Variants in PTTG1IP2 observed in about 807,000 individuals in gnomAD.
The protein encoded by PTTG1IP2 is PTTG1IP family member 2.
intron 6 of PTTG1IP2, among the ~76,000 whole-genome samples, chr7:90,497,614 G>C (rs1435836901): frequency 4.7e-5 from 7 of 147,810 alleles, no homozygotes; most frequent in Non-Finnish European, 7.4e-5. Flanking sequence ...CTACTAGGAA[G>C]GGTGGGGCAG....
intron 6 of PTTG1IP2, among the ~76,000 whole-genome samples, chr7:90,498,329 C>T (rs190992877): frequency 1.0e-3 from 152 of 152,284 alleles, no homozygotes; most frequent in Middle Eastern, 6.8e-3. Flanking sequence ...TGTCAATAAT[C>T]ACCTTGAATG....
At chr7:90,483,579 A>G (rs1204570270) in intron 2 of PTTG1IP2, among the ~76,000 whole-genome samples, 1 of 152,186 alleles carries the variant, frequency 6.6e-6, no homozygotes. Context: ...CTAGAAGCTG[A>G]AGTACTTATT....
intron 1 of PTTG1IP2, among the ~76,000 whole-genome samples, chr7:90,470,681 C>T (rs562794862): frequency 2.4e-4 from 36 of 152,218 alleles, no homozygotes; most frequent in African/African-American, 7.7e-4. Flanking sequence ...GAATCTCCTT[C>T]GAGGGGGTAG....
At chr7:90,492,999 C>A (rs552271268) in intron 5 of PTTG1IP2, among the ~76,000 whole-genome samples, 1 of 152,314 alleles carries the variant, frequency 6.6e-6, no homozygotes, top group South Asian at 2.1e-4. Context: ...CTACCCAGGT[C>A]TGGATCCTGA....
intron 6 of PTTG1IP2, among the ~76,000 whole-genome samples, chr7:90,511,885 C>A (rs753842599): frequency 1.3e-5 from 2 of 152,206 alleles, no homozygotes; most frequent in Non-Finnish European, 2.9e-5. Flanking sequence ...ATACAATGAG[C>A]TAACATATTG....
At chr7:90,503,601 AT>A (rs1212312284) in intron 6 of PTTG1IP2, among the ~76,000 whole-genome samples, 2 of 152,186 alleles carry the variant, frequency 1.3e-5, no homozygotes, top group Non-Finnish European at 2.9e-5. Flanking sequence ...TCATTTCAAT[AT>A]TGCTGTGTCT....
At chr7:90,497,715 T>TAAAA (rs1261744146) in intron 6 of PTTG1IP2, among the ~76,000 whole-genome samples, 4 of 56,302 alleles carry the variant, frequency 7.1e-5, no homozygotes, top group Non-Finnish European at 9.6e-5. Flanking sequence ...AGACCCTGTA[T>TAAAA]AAAAAAAAAA....
intron 6 of PTTG1IP2, among the ~76,000 whole-genome samples, chr7:90,504,099 G>A (rs537559542): frequency 4.6e-5 from 7 of 152,106 alleles, no homozygotes; most frequent in African/African-American, 1.2e-4. Context: ...GGTGGATCAC[G>A]AGGTCAGGAG....
chr7:90,485,037 C>T lies in PTTG1IP2; in HGVS notation c.193-2290C>T, dbSNP rs112689821. Among the ~76,000 whole-genome samples, 234 of 152,154 alleles carry T rather than the reference C, an allele frequency of 1.5e-3. 2 individuals carry two copies. The highest frequency in any genetic ancestry group is 4.9e-3 in the African/African-American group (202 of 41,516). ...TCCAGCATTTGTTACTAGGCTACTG[C>T]CTGGGTCAAAAGACTACTCCAGTAG... is the stretch of plus-strand genomic sequence containing the variant. On this transcript the variant is annotated intron_variant, in intron 2 of 6. Coordinates refer to ENST00000509356, the MANE Select transcript of PTTG1IP2 (RefSeq NM_001365443.2).
intron 6 of PTTG1IP2, among the ~76,000 whole-genome samples, chr7:90,506,997 G>T (rs1766256717): frequency 1.3e-5 from 2 of 152,122 alleles, no homozygotes; most frequent in African/African-American, 4.8e-5. Context: ...TACAGAATAT[G>T]GGTCACTCGA....
chr7:90,506,437 T>C (rs1050013556), intron 6 of PTTG1IP2, among the ~76,000 whole-genome samples: 12 of 152,182 alleles, frequency 7.9e-5, no homozygotes, highest in Non-Finnish European at 2.9e-5. Context: ...TTAATTTCCA[T>C]TAATTCTTCC....
intron 1 of PTTG1IP2, among the ~76,000 whole-genome samples, chr7:90,477,486 A>C (rs1322173253): frequency 6.6e-6 from 1 of 152,218 alleles, no homozygotes; most frequent in Non-Finnish European, 1.5e-5. Context: ...TCTTAGCCAA[A>C]ACTCTTTTTC....
chr7:90,483,971 A>T (rs1797840689), intron 2 of PTTG1IP2, among the ~76,000 whole-genome samples: 1 of 152,066 alleles, frequency 6.6e-6, no homozygotes, highest in South Asian at 2.1e-4. Context: ...TCACATCCTT[A>T]AATCTAGTGA....
chr7:90,497,521 G>A (rs1175663152), intron 6 of PTTG1IP2, among the ~76,000 whole-genome samples: 33 of 137,986 alleles, frequency 2.4e-4, no homozygotes, highest in Non-Finnish European at 4.4e-4. Flanking sequence ...CCGAGATCGC[G>A]CCACTGCACT....
intron 6 of PTTG1IP2, among the ~76,000 whole-genome samples, chr7:90,508,460 G>A (rs969172203): frequency 6.6e-6 from 1 of 152,012 alleles, no homozygotes; most frequent in Non-Finnish European, 1.5e-5. Context: ...GGAGCTGCTA[G>A]GGGAGGAAAT....
At chr7:90,486,531 C>G (rs1294937511) in intron 2 of PTTG1IP2, among the ~76,000 whole-genome samples, 1 of 143,576 alleles carries the variant, frequency 7.0e-6, no homozygotes, top group Admixed American at 7.0e-5. Flanking sequence ...TGTTTTTCAC[C>G]TTTATGCCTT....
At chr7:90,476,487 A>G (rs1048021505) in intron 1 of PTTG1IP2, among the ~76,000 whole-genome samples, 22 of 152,174 alleles carry the variant, frequency 1.4e-4, no homozygotes, top group Non-Finnish European at 4.4e-5. Flanking sequence ...TGCATATAAA[A>G]TATCTCCCCA....
Position 90,510,698 on chromosome 7 carries a change from A to G in PTTG1IP2, c.*51-2580A>G, listed in dbSNP as rs547636928. On this transcript the variant is annotated intron_variant, in intron 6 of 6. Coordinates refer to ENST00000509356, the MANE Select transcript of PTTG1IP2 (RefSeq NM_001365443.2). ...TTTCTCCAGTTCAAGAACTTTTATTATAGAAATCCACAGGCAGGCAATGTA... is the reference window on the plus strand; with the variant it reads ...TTTCTCCAGTTCAAGAACTTTTATTGTAGAAATCCACAGGCAGGCAATGTA... 1.1e-4 allele frequency among the ~76,000 whole-genome samples: 17 copies of G among 152,368 alleles called. 1 individual carries two copies. In the South Asian group the frequency reaches 3.3e-3, roughly 30 times the overall value.
intron 2 of PTTG1IP2, among the ~76,000 whole-genome samples, chr7:90,483,372 T>C (rs1032800248): frequency 6.6e-6 from 1 of 152,202 alleles, no homozygotes; most frequent in Non-Finnish European, 1.5e-5. Context: ...TGTTCTCATT[T>C]CTGAGGTGAA....
Sources: gnomAD v4.1 joint callset for allele counts (sites outside exome capture counted in the v4.1 genomes callset) on GRCh38, gnomAD v4.1.1 for gene constraint, MANE v1.5 for transcripts, NCBI Gene and HGNC (gene_info 2026-07-23, HGNC 2026-07-21) for gene names.